Variants in COX10 observed in about 807,000 individuals in gnomAD.
COX10 encodes the protein cytochrome c oxidase assembly factor heme A:farnesyltransferase COX10.
In COX10, 27 loss-of-function variants were observed where a neutral mutation model predicts 37.3. The observed-to-expected ratio is 0.72, with a 90% CI of 0.53 to 1.00. The LOEUF is 1.00. Ranked by LOEUF, COX10 falls within the 50% of genes least tolerant of loss-of-function variation. The pLI, the probability that COX10 is intolerant of heterozygous loss-of-function variation, is 0.00. For synonymous variants in COX10, 222 were observed against 229.1 expected, an observed-to-expected ratio of 0.97 and a Z score of 0.28; for missense variants, 475 against 563.2, an observed-to-expected ratio of 0.84 and a Z score of 1.59.
chr17:14,073,618 C>T (rs1042386060), intron 1 of COX10, among the ~76,000 whole-genome samples: 2 of 152,124 alleles, frequency 1.3e-5, no homozygotes, highest in South Asian at 4.1e-4. Context: ...AGGTGGCATA[C>T]ATAGCAAGAA....
chr17:14,173,252 G>C (rs565483245), intron 5 of COX10, among the ~76,000 whole-genome samples: 1 of 152,346 alleles, frequency 6.6e-6, no homozygotes, highest in East Asian at 1.9e-4. Flanking sequence ...AGATGGACAG[G>C]TGGATGGATG....
intron 4 of COX10, among the ~76,000 whole-genome samples, chr17:14,157,504 G>A (rs115817496): frequency 0.019 from 2,939 of 152,266 alleles, 33 homozygotes; most frequent in Middle Eastern, 0.044. Flanking sequence ...GATGTTTGTC[G>A]TATAGAATGA....
chr17:14,123,947 A>G (rs1359427978), intron 4 of COX10, among the ~76,000 whole-genome samples: 2 of 151,934 alleles, frequency 1.3e-5, no homozygotes, highest in Non-Finnish European at 2.9e-5. Context: ...TTTTTTCCTC[A>G]GTGCTCCATA....
intron 5 of COX10, among the ~76,000 whole-genome samples, chr17:14,162,789 G>A (rs1163933700): frequency 6.6e-6 from 1 of 152,070 alleles, no homozygotes; most frequent in Non-Finnish European, 1.5e-5. Flanking sequence ...GATTGTAATC[G>A]AATCCTCAAA....
chr17:14,113,437 T>TA (rs1218004115), intron 4 of COX10, among the ~76,000 whole-genome samples: 3 of 152,020 alleles, frequency 2.0e-5, no homozygotes, highest in African/African-American at 7.2e-5. Flanking sequence ...TATTATTTAC[T>TA]AAAAAAAGGA....
At chr17:14,107,587 C>A (rs1915922477) in intron 4 of COX10, among the ~76,000 whole-genome samples, 2 of 151,610 alleles carry the variant, frequency 1.3e-5, no homozygotes, top group African/African-American at 4.9e-5. Context: ...TTCCTGACCA[C>A]AGCCAAGGTC....
chr17:14,092,597 TAAC>T (rs1338604323), intron 3 of COX10, among the ~76,000 whole-genome samples: 1 of 152,094 alleles, frequency 6.6e-6, no homozygotes, highest in Admixed American at 6.6e-5. Context: ...CATCTGAACT[TAAC>T]AATAAGCATG....
At chr17:14,120,787 T>C (rs1455403887) in intron 4 of COX10, among the ~76,000 whole-genome samples, 1 of 152,130 alleles carries the variant, frequency 6.6e-6, no homozygotes, top group East Asian at 1.9e-4. Flanking sequence ...CAAAAATGAG[T>C]GAAAACTATA....
At chr17:14,130,328 C>A (rs925442185) in intron 4 of COX10, among the ~76,000 whole-genome samples, 1 of 152,102 alleles carries the variant, frequency 6.6e-6, no homozygotes, top group Non-Finnish European at 1.5e-5. Flanking sequence ...TCAATGATTA[C>A]AAGATTTGAA....
chr17:14,132,769 T>C (rs916046005), intron 4 of COX10, among the ~76,000 whole-genome samples: 2 of 151,824 alleles, frequency 1.3e-5, no homozygotes, highest in Admixed American at 1.3e-4. Flanking sequence ...TATTTTTTAC[T>C]TTTCCTATGT....
At chr17:14,071,905 A>G (rs1308546842) in intron 1 of COX10, among the ~76,000 whole-genome samples, 7 of 151,976 alleles carry the variant, frequency 4.6e-5, no homozygotes, top group Non-Finnish European at 1.5e-5. Flanking sequence ...ATCTCAAAAA[A>G]TAAAAAAAAA....
chr17:14,154,985 G>A (rs903895614), intron 4 of COX10, among the ~76,000 whole-genome samples: 2 of 152,142 alleles, frequency 1.3e-5, no homozygotes, highest in African/African-American at 2.4e-5. Context: ...AAAGAATTTG[G>A]ACTTTTCAGG....
At chr17:14,104,824 A>G (rs919278529) in intron 4 of COX10, among the ~76,000 whole-genome samples, 21 of 152,170 alleles carry the variant, frequency 1.4e-4, no homozygotes, top group African/African-American at 4.3e-4. Flanking sequence ...TGACTAGTGC[A>G]TAAAGAGATT....
At chr17:14,132,154 G>T (rs1040084907) in intron 4 of COX10, among the ~76,000 whole-genome samples, 4 of 151,920 alleles carry the variant, frequency 2.6e-5, no homozygotes, top group African/African-American at 9.7e-5. Flanking sequence ...TGCAGATGAG[G>T]TGAGGAGATA....
chr17:14,078,017 CTTAAAGAAAGTTGTTTTTGAAGAAA>C (rs1915195205), intron 3 of COX10, among the ~76,000 whole-genome samples: 1 of 149,818 alleles, frequency 6.7e-6, no homozygotes, highest in African/African-American at 2.5e-5. Flanking sequence ...ACCAGCTTTA[CTTAAAGAAAGTTGTTTTTGAAGAAA>C]TGATGAATAG....
intron 3 of COX10, among the ~76,000 whole-genome samples, chr17:14,091,778 A>T (rs1261285752): frequency 6.6e-6 from 1 of 152,224 alleles, no homozygotes; most frequent in Non-Finnish European, 1.5e-5. Context: ...CTTGAAATGG[A>T]GACTTAATTC....
intron 4 of COX10, among the ~76,000 whole-genome samples, chr17:14,136,920 T>G (rs776972631): frequency 1.2e-4 from 19 of 152,100 alleles, no homozygotes; most frequent in Non-Finnish European, 2.4e-4. Context: ...TATTTTTCAT[T>G]AAAACTTCAA....
chr17:14,077,267 T>C (rs958891894), intron 3 of COX10: 1 of 559,166 alleles, frequency 1.8e-6, no homozygotes, highest in African/African-American at 1.9e-5. Context: ...GTAAGTATTG[T>C]ATTAAAAATA....
At chr17:14,138,983 A>G (rs148500194) in intron 4 of COX10, among the ~76,000 whole-genome samples, 2,076 of 152,214 alleles carry the variant, frequency 0.014, 16 homozygotes, top group African/African-American at 0.025. Context: ...GACCTCGATC[A>G]TTTACTTTAT....
Sources: gnomAD v4.1 joint callset for allele counts (sites outside exome capture counted in the v4.1 genomes callset) on GRCh38, gnomAD v4.1.1 for gene constraint, MANE v1.5 for transcripts, NCBI Gene and HGNC (gene_info 2026-07-23, HGNC 2026-07-21) for gene names.